Variants in ZDHHC14 observed in about 807,000 individuals in gnomAD.
The protein encoded by ZDHHC14 is palmitoyltransferase ZDHHC14.
ZDHHC14 carries 16 observed loss-of-function variants against 47.7 expected under a neutral mutation model. The ratio of observed to expected loss-of-function variants is 0.34; its 90% CI spans 0.23 to 0.51. The LOEUF is 0.51. Among genes scored for constraint, ZDHHC14 ranks in the 20% least tolerant of loss-of-function variants. The pLI is 0.97. For synonymous variants in ZDHHC14, 293 were observed against 278.9 expected, an observed-to-expected ratio of 1.05 and a Z score of -0.50; for missense variants, 515 against 662.5, an observed-to-expected ratio of 0.78 and a Z score of 2.44.
chr6:157,670,233 T>C (rs982056558), intron 8 of ZDHHC14, among the ~76,000 whole-genome samples: 2 of 152,188 alleles, frequency 1.3e-5, no homozygotes, highest in African/African-American at 4.8e-5. Context: ...GCACAAATGA[T>C]TGTGGTGATG....
chr6:157,406,851 C>A (rs557180753), intron 1 of ZDHHC14, among the ~76,000 whole-genome samples: 1 of 152,184 alleles, frequency 6.6e-6, no homozygotes, highest in Non-Finnish European at 1.5e-5. Flanking sequence ...AATGCTGAGT[C>A]CTCACTGAGC....
intron 1 of ZDHHC14, among the ~76,000 whole-genome samples, chr6:157,459,778 T>G (rs1535191): frequency 9.6e-4 from 146 of 152,220 alleles, no homozygotes; most frequent in Admixed American, 6.6e-3. Flanking sequence ...TGTGATGTCC[T>G]TTAAAAAGTC....
rs1164823667 is a variant in ZDHHC14 at position 157,645,779 on chromosome 6, C to T, written c.795C>T (p.Ile265=). ...AVVCFFSVWS[I]VGLSGFHTYL... ...TGTGCTTCTTCTCTGTCTGGTCCAT[C>T]GTTGGCCTCTCAGGATTCCACACCT... Residue 265 remains isoleucine (I), a synonymous_variant, in exon 6 of 9, where the codon ATC becomes ATT. Coordinates refer to ENST00000359775, the MANE Select transcript of ZDHHC14 (RefSeq NM_024630.3). The T allele has an allele frequency of 1.9e-6, 3 of 1,614,148 alleles. No homozygotes were observed. The highest frequency in any genetic ancestry group is 2.5e-6 in the Non-Finnish European group (3 of 1,180,034).
intron 4 of ZDHHC14, chr6:157,630,924 T>G (rs1785689302): frequency 7.0e-6 from 1 of 141,992 alleles, no homozygotes; most frequent in African/African-American, 2.7e-5. Flanking sequence ...ACCCTTACAC[T>G]GTCACACTCA....
chr6:157,615,152 A>G (rs552226816), intron 3 of ZDHHC14, among the ~76,000 whole-genome samples: 65 of 152,224 alleles, frequency 4.3e-4, no homozygotes, highest in Non-Finnish European at 8.1e-4. Flanking sequence ...CCTAACTGGT[A>G]GAACTTTGCC....
intron 3 of ZDHHC14, among the ~76,000 whole-genome samples, chr6:157,610,284 T>A (rs190250398): frequency 6.6e-6 from 1 of 152,070 alleles, no homozygotes; most frequent in Admixed American, 6.5e-5. Flanking sequence ...TACAAAAAAT[T>A]AGTCAGGCGC....
chr6:157,647,207 T>C, intron 6 of ZDHHC14, 52 bp from the exon 7 acceptor site: 1 of 1,270,654 alleles, frequency 7.9e-7, no homozygotes, highest in East Asian at 2.3e-5. Flanking sequence ...TCACCTCAAC[T>C]GTGCGTTGGT....
intron 1 of ZDHHC14, among the ~76,000 whole-genome samples, chr6:157,461,266 G>C (rs1024954906): frequency 5.3e-5 from 8 of 152,194 alleles, no homozygotes; most frequent in African/African-American, 1.7e-4. Flanking sequence ...GGTCGGCATG[G>C]GGAAAGATGC....
At chr6:157,580,052 G>T (rs566739124) in intron 2 of ZDHHC14, among the ~76,000 whole-genome samples, 172 of 152,304 alleles carry the variant, frequency 1.1e-3, no homozygotes, top group Non-Finnish European at 2.1e-3. Context: ...TTATTTTGAA[G>T]TATATTCCTT....
At chr6:157,655,854 G>C (rs1011743875) in intron 8 of ZDHHC14, among the ~76,000 whole-genome samples, 2 of 152,132 alleles carry the variant, frequency 1.3e-5, no homozygotes, top group Admixed American at 1.3e-4. Context: ...ATAATACTGG[G>C]CTCACCAGGT....
intron 2 of ZDHHC14, among the ~76,000 whole-genome samples, chr6:157,568,440 A>AT (rs913897030): frequency 7.2e-6 from 1 of 138,232 alleles, no homozygotes; most frequent in Non-Finnish European, 1.5e-5. Context: ...TTGAAGGCAG[A>AT]TTTTTTTTCC....
At chr6:157,577,900 G>T (rs1230205564) in intron 2 of ZDHHC14, among the ~76,000 whole-genome samples, 1 of 152,238 alleles carries the variant, frequency 6.6e-6, no homozygotes, top group Admixed American at 6.5e-5. Context: ...TGCTGTGTGA[G>T]ATGGTATCTC....
chr6:157,601,457 A>G (rs1456192695), intron 3 of ZDHHC14, among the ~76,000 whole-genome samples: 1 of 152,218 alleles, frequency 6.6e-6, no homozygotes, highest in Non-Finnish European at 1.5e-5. Flanking sequence ...CAAACATTAG[A>G]ACTAGTTTTT....
At position 157,496,987 on chromosome 6, in the gene ZDHHC14, G is replaced by A. The variant is rs137891131; in HGVS notation, c.246-45598G>A. ...AATATTGTGTGTGGGTAGAGGTAGG[G>A]TGGTGTAGCAAAGCCAAGATCCAGG... On this transcript the variant is annotated intron_variant, in intron 1 of 8. Coordinates refer to ENST00000359775, the MANE Select transcript of ZDHHC14 (RefSeq NM_024630.3). Among the ~76,000 whole-genome samples the A allele has an allele frequency of 1.6e-3, 240 of 152,280 alleles. 1 individual carries two copies. The highest frequency in any genetic ancestry group is 3.3e-3 in the South Asian group (16 of 4,828).
At chr6:157,631,970 A>G (rs1785760897) in intron 4 of ZDHHC14, 1 of 152,258 alleles carries the variant, frequency 6.6e-6, no homozygotes, top group Non-Finnish European at 1.5e-5. Flanking sequence ...CCTTGGGAAG[A>G]ATAGGGAGCC....
intron 1 of ZDHHC14, among the ~76,000 whole-genome samples, chr6:157,425,268 T>C (rs1253438627): frequency 6.6e-6 from 1 of 152,224 alleles, no homozygotes. Flanking sequence ...AAACTGGTTA[T>C]TGTTCATATA....
chr6:157,619,264 G>A (rs1785087082), intron 3 of ZDHHC14, among the ~76,000 whole-genome samples: 1 of 151,824 alleles, frequency 6.6e-6, no homozygotes, highest in African/African-American at 2.4e-5. Flanking sequence ...GGTGTTGCAT[G>A]CCTGTAATTC....
intron 1 of ZDHHC14, among the ~76,000 whole-genome samples, chr6:157,391,034 A>G (rs986737694): frequency 6.6e-6 from 1 of 152,132 alleles, no homozygotes; most frequent in Non-Finnish European, 1.5e-5. Context: ...CTAGTTTGTA[A>G]TGGAAACAGG....
chr6:157,640,264 A>G (rs661749), intron 5 of ZDHHC14, among the ~76,000 whole-genome samples: 113,697 of 152,172 alleles, frequency 0.75, 42,974 homozygotes, highest in African/African-American at 0.86. Flanking sequence ...AAATGTGGAG[A>G]GTTTTTTGTG....
Sources: allele counts gnomAD v4.1 joint callset (sites outside exome capture counted in the v4.1 genomes callset), GRCh38; gene constraint gnomAD v4.1.1; transcripts MANE v1.5; gene names NCBI Gene and HGNC (gene_info 2026-07-23, HGNC 2026-07-21).